Variants in PDE1A observed in about 807,000 individuals in gnomAD.
PDE1A encodes the protein phosphodiesterase 1A.
A neutral mutation model predicts 61.7 loss-of-function variants in PDE1A; 35 were observed. That is an observed-to-expected ratio of 0.57 (90% CI 0.43 to 0.75). The LOEUF is 0.75. Among genes scored for constraint, PDE1A ranks in the 30% least tolerant of loss-of-function variants. The probability of loss-of-function intolerance (pLI) is 0.00; values close to 1 mark genes in which losing one functional copy is unlikely to be tolerated. For synonymous variants in PDE1A, 232 were observed against 213.2 expected (o/e 1.09, Z -0.77); for missense variants, 597 against 630.6 (o/e 0.95, Z 0.57).
chr2:182,390,197 G>A (rs193258590), intron 1 of PDE1A, among the ~76,000 whole-genome samples: 1 of 152,018 alleles, frequency 6.6e-6, no homozygotes, highest in African/African-American at 2.4e-5. Flanking sequence ...TTGGTACCAG[G>A]AGTGGTTCTA....
chr2:182,687,437 C>A, the PDE1A span, among the ~76,000 whole-genome samples: 2 of 152,202 alleles, frequency 1.3e-5, no homozygotes, highest in Non-Finnish European at 2.9e-5. Context: ...TGGAGTGGAC[C>A]TCCAGCAAAC....
chr2:182,445,129 T>C (rs997067913), intron 2 of PDE1A, among the ~76,000 whole-genome samples: 2 of 152,134 alleles, frequency 1.3e-5, no homozygotes, highest in Admixed American at 1.3e-4. Context: ...TTGATCATAT[T>C]TTCCCCAGCA....
At chr2:182,200,493 G>A (rs150995808) in intron 10 of PDE1A, among the ~76,000 whole-genome samples, 2 of 152,280 alleles carry the variant, frequency 1.3e-5, no homozygotes, top group East Asian at 1.9e-4. Flanking sequence ...TGAAAACATT[G>A]ACAAGGCAGG....
rs781378897 is a variant in PDE1A at position 182,223,977 on chromosome 2, A to G, written c.676-13T>C. ...CAGTGAGCCAGTGCTAGTAAATTACAGAAAGAATCCATTATATTCAAGAAG... is the reference window on the plus strand; with the variant it reads ...CAGTGAGCCAGTGCTAGTAAATTACGGAAAGAATCCATTATATTCAAGAAG... On this transcript the variant is annotated splice_polypyrimidine_tract_variant and intron_variant, in intron 6 of 13. Transcript: ENST00000351439. The G allele has an allele frequency of 1.2e-5, 18 of 1,562,146 alleles. No homozygotes were observed. The highest frequency in any genetic ancestry group is 1.6e-5 in the Non-Finnish European group (18 of 1,137,160).
chr2:182,568,400 T>A, the PDE1A span, among the ~76,000 whole-genome samples: 1 of 152,258 alleles, frequency 6.6e-6, no homozygotes, highest in South Asian at 2.1e-4. Flanking sequence ...ACACAAAGAC[T>A]GGGCGCGGTG....
chr2:182,685,449 C>A, the PDE1A span, among the ~76,000 whole-genome samples: 1 of 152,102 alleles, frequency 6.6e-6, no homozygotes, highest in Non-Finnish European at 1.5e-5. Context: ...TCAATGGAAA[C>A]AACATTGACT....
the PDE1A span, among the ~76,000 whole-genome samples, chr2:182,686,065 T>C: frequency 1.4e-4 from 21 of 152,222 alleles, no homozygotes; most frequent in Non-Finnish European, 2.5e-4. Context: ...ATATTTTATA[T>C]ACCCTTCTTT....
In PDE1A at chr2:182,418,795, G is replaced by C. The variant is rs1703083974; in HGVS notation, c.53+7783C>G. On this transcript the variant is annotated intron_variant, in intron 1 of 13. Transcript: ENST00000351439. The stretch of plus-strand genomic sequence containing the variant: ...CTCAATCAAACTTAATCACAACCTT[G>C]AAAAAGTTTGTGAGTTTCCTCTTCC... 3.3e-5 allele frequency among the ~76,000 whole-genome samples: 5 copies of C among 151,904 alleles called. No individual in the cohort carries two copies. The South Asian group carries it at 1.0e-3, about 32-fold the overall frequency.
chr2:182,569,443 A>C, the PDE1A span, among the ~76,000 whole-genome samples: 32 of 152,190 alleles, frequency 2.1e-4, no homozygotes, highest in African/African-American at 7.5e-4. Context: ...ATTCTGCTCC[A>C]TCATTCTGAG....
In PDE1A at chr2:182,224,173, A is replaced by C. The variant is rs186055683; in HGVS notation, c.676-209T>G. Among the ~76,000 whole-genome samples the C allele has an allele frequency of 3.5e-4, 53 of 152,048 alleles. No individual in the cohort carries two copies. The East Asian group carries it at 0.01, about 29-fold the overall frequency. ...TTGTTTCATGGCATATAAGTTCAAA[A>C]TTCAGAATATAATTGTCCTTGCTAA... is the stretch of plus-strand genomic sequence containing the variant. On this transcript the variant is annotated intron_variant, in intron 6 of 13. Transcript: ENST00000351439.
chr2:182,346,590 T>C (rs1243686287), intron 1 of PDE1A, among the ~76,000 whole-genome samples: 3 of 140,976 alleles, frequency 2.1e-5, no homozygotes, highest in Non-Finnish European at 4.7e-5. Context: ...TATAAAAGAG[T>C]ATACCCTAAA....
At chr2:182,607,917 C>A in the PDE1A span, among the ~76,000 whole-genome samples, 1 of 152,200 alleles carries the variant, frequency 6.6e-6, no homozygotes, top group East Asian at 1.9e-4. Context: ...TGGGGACTAA[C>A]AAGACCCTTC....
the PDE1A span, among the ~76,000 whole-genome samples, chr2:182,603,939 T>TTGTTGAGATACTCAACCAACC: frequency 8.5e-5 from 13 of 152,258 alleles, no homozygotes; most frequent in East Asian, 2.3e-3. Context: ...CTCAACCTAC[T>TTGTTGAGATACTCAACCAACC]AATACTTCAT....
chr2:182,649,701 C>T, the PDE1A span, among the ~76,000 whole-genome samples: 1 of 152,058 alleles, frequency 6.6e-6, no homozygotes, highest in African/African-American at 2.4e-5. Flanking sequence ...ACCTCTGCCT[C>T]CCAGGTTTAG....
At chr2:182,178,492 C>T (rs896002378) in intron 13 of PDE1A, among the ~76,000 whole-genome samples, 41 of 152,114 alleles carry the variant, frequency 2.7e-4, no homozygotes, top group African/African-American at 8.9e-4. Context: ...TAGTCTGAGA[C>T]GGGACCTGCT....
intron 2 of PDE1A, among the ~76,000 whole-genome samples, chr2:182,517,326 C>G (rs1177632076): frequency 6.6e-6 from 1 of 152,100 alleles, no homozygotes. Flanking sequence ...AAGCAAACAC[C>G]CTTCCATCTT....
intron 1 of PDE1A, among the ~76,000 whole-genome samples, chr2:182,329,093 C>T (rs1342817742): frequency 6.6e-6 from 1 of 152,124 alleles, no homozygotes; most frequent in African/African-American, 2.4e-5. Flanking sequence ...AAATTATACA[C>T]AACAAAAATA....
chr2:182,378,879 T>C (rs1574493887), intron 1 of PDE1A, among the ~76,000 whole-genome samples: 1 of 152,326 alleles, frequency 6.6e-6, no homozygotes, highest in East Asian at 1.9e-4. Flanking sequence ...CCAGTATTTT[T>C]GGATTTTTAA....
chr2:182,140,968 T>TA (rs989620452), exon 15 of PDE1A: 4 of 151,310 alleles, frequency 2.6e-5, no homozygotes, highest in Admixed American at 1.3e-4. Flanking sequence ...TTTTTTTTTT[T>TA]ACTGTCTCTG....
Sources: allele counts gnomAD v4.1 joint callset (sites outside exome capture counted in the v4.1 genomes callset), GRCh38; gene constraint gnomAD v4.1.1; transcripts MANE v1.5; gene names NCBI Gene and HGNC (gene_info 2026-07-23, HGNC 2026-07-21).